SH3BP5: variants seen among roughly 807,000 people sequenced by gnomAD.
SH3BP5 encodes the protein SH3 domain binding protein 5, also known as SH3 domain-binding protein 5.
A neutral mutation model predicts 43.3 loss-of-function variants in SH3BP5; 22 were observed. The observed-to-expected ratio is 0.51, with a 90% CI of 0.36 to 0.73. The LOEUF is 0.73. SH3BP5 is among the 30% of genes least tolerant of loss of function. The probability of loss-of-function intolerance (pLI) is 0.00; values close to 1 mark genes in which losing one functional copy is unlikely to be tolerated. For synonymous variants in SH3BP5, 255 were observed against 225.8 expected, an observed-to-expected ratio of 1.13 and a Z score of -1.16; for missense variants, 529 against 586.9, an observed-to-expected ratio of 0.90 and a Z score of 1.02.
chr3:15,324,674 C>A (rs1261091816), intron 2 of SH3BP5, among the ~76,000 whole-genome samples: 2 of 152,132 alleles, frequency 1.3e-5, no homozygotes, highest in Non-Finnish European at 2.9e-5. Context: ...CTAGTGCATT[C>A]CACCCACACG....
upstream of SH3BP5, among the ~76,000 whole-genome samples, chr3:15,334,518 CG>C (rs1293542045): frequency 6.6e-6 from 1 of 151,048 alleles, no homozygotes; most frequent in Non-Finnish European, 1.5e-5. Context: ...CACTGGAGGC[CG>C]GGAGTTCCAG....
chr3:15,326,425 A>G (rs537091787), intron 2 of SH3BP5, among the ~76,000 whole-genome samples: 3 of 152,228 alleles, frequency 2.0e-5, no homozygotes, highest in Non-Finnish European at 4.4e-5. Context: ...CTGGTCACCA[A>G]TTCAGGTTCA....
intron 3 of SH3BP5, among the ~76,000 whole-genome samples, chr3:15,291,508 A>T (rs1186440024): frequency 6.6e-6 from 1 of 152,250 alleles, no homozygotes; most frequent in Non-Finnish European, 1.5e-5. Flanking sequence ...ACCTAAAAAA[A>T]AAAATCTGAA....
chr3:15,265,128 A>G (rs1447445049), intron 4 of SH3BP5, among the ~76,000 whole-genome samples: 1 of 152,106 alleles, frequency 6.6e-6, no homozygotes, highest in East Asian at 1.9e-4. Context: ...AAACTGAAGA[A>G]GTGGCCAGCA....
At chr3:15,333,696 C>T (rs1335282153), upstream of SH3BP5, among the ~76,000 whole-genome samples, 2 of 152,168 alleles carry the variant, frequency 1.3e-5, no homozygotes, top group Admixed American at 6.5e-5. Flanking sequence ...TAGAGGGTTA[C>T]TCCTTGGGCA....
rs1264581008 is a variant in SH3BP5, at chr3:15,256,899, T to C, written c.1104A>G (p.Arg368=). ...GGGAGGAGGCCCCGCTGCATTCACTTCGAGGGCCCAACACTGGGAACATCA... is the reference window on the plus strand; with the variant it reads ...GGGAGGAGGCCCCGCTGCATTCACTCCGAGGGCCCAACACTGGGAACATCA... ...FGMMFPVLGP[R]SECSGASSPE... Residue 368 remains arginine (R), a synonymous_variant, in exon 8 of 9, where the codon CGA becomes CGG. Coordinates refer to ENST00000383791, the MANE Select transcript of SH3BP5 (RefSeq NM_004844.5). The C allele has an allele frequency of 6.2e-7, 1 of 1,613,800 alleles. No homozygotes were observed. The highest frequency in any genetic ancestry group is 1.3e-5 in the African/African-American group (1 of 74,910).
chr3:15,330,221 A>T (rs1377412259), intron 2 of SH3BP5, among the ~76,000 whole-genome samples: 1 of 152,230 alleles, frequency 6.6e-6, no homozygotes, highest in Non-Finnish European at 1.5e-5. Context: ...CCTTTCAGTC[A>T]CATTAAAACT....
At chr3:15,329,334 G>A (rs1342709717) in intron 2 of SH3BP5, among the ~76,000 whole-genome samples, 1 of 152,128 alleles carries the variant, frequency 6.6e-6, no homozygotes, top group Non-Finnish European at 1.5e-5. Context: ...TTAGAAATCT[G>A]AGATCCTGAG....
At chr3:15,317,411 A>G (rs1698211625) in intron 2 of SH3BP5, among the ~76,000 whole-genome samples, 1 of 152,154 alleles carries the variant, frequency 6.6e-6, no homozygotes, top group Non-Finnish European at 1.5e-5. Context: ...AATGTTAAGA[A>G]AGGAGAGCAC....
At chr3:15,329,853 G>A (rs1037082948) in intron 2 of SH3BP5, among the ~76,000 whole-genome samples, 3 of 152,208 alleles carry the variant, frequency 2.0e-5, no homozygotes, top group African/African-American at 4.8e-5. Flanking sequence ...GGAACTAATC[G>A]GAGGCTGTGA....
At chr3:15,260,017 T>G in intron 5 of SH3BP5, 1 of 592,452 alleles carries the variant, frequency 1.7e-6, no homozygotes, top group Non-Finnish European at 3.0e-6. Context: ...CAGGGCTATA[T>G]TAACAGGAGG....
intron 3 of SH3BP5, among the ~76,000 whole-genome samples, chr3:15,291,514 C>A (rs893978246): frequency 6.6e-6 from 1 of 152,054 alleles, no homozygotes; most frequent in African/African-American, 2.4e-5. Flanking sequence ...AAAAAAAAAT[C>A]TGAAATTTAA....
chr3:15,295,022 GCA>G (rs776978211), intron 3 of SH3BP5, among the ~76,000 whole-genome samples: 1 of 152,008 alleles, frequency 6.6e-6, no homozygotes, highest in Admixed American at 6.6e-5. Context: ...TTCGGAGTGT[GCA>G]CAGTGTGTCC....
rs1696873814 is a variant in SH3BP5, at chr3:15,273,453, C to T, written c.331-3576G>A. On this transcript the variant is annotated intron_variant, in intron 3 of 8. Coordinates refer to ENST00000383791, the MANE Select transcript of SH3BP5 (RefSeq NM_004844.5). The stretch of plus-strand genomic sequence containing the variant: ...CATGTGAAGCTGCCTTTGAGAAGAA[C>T]ATGTGCTGTCAAATTCCGGACAAGC... 9.4e-6 allele frequency: 9 copies of T among 960,688 alleles called. No individual in the cohort carries two copies. In the South Asian group the frequency reaches 2.9e-4, roughly 31 times the overall value. 59.5% of individuals were successfully genotyped at this position (960,688 alleles called of 1,614,324 possible). A position where few individuals can be genotyped will look rare whatever the true frequency, so the allele number is the denominator to read the frequency against.
chr3:15,307,627 G>T (rs1264471242), intron 2 of SH3BP5, among the ~76,000 whole-genome samples: 1 of 152,176 alleles, frequency 6.6e-6, no homozygotes, highest in East Asian at 1.9e-4. Context: ...TTTTCCTCCT[G>T]GTATAAAAAG....
At chr3:15,269,943 C>T in intron 3 of SH3BP5, 66 bp from the exon 4 acceptor site, 1 of 1,377,456 alleles carries the variant, frequency 7.3e-7, no homozygotes, top group Non-Finnish European at 9.8e-7. Flanking sequence ...TCCATTTTAC[C>T]TTTCAAAAAA....
At chr3:15,282,902 T>C (rs1697167698) in intron 3 of SH3BP5, among the ~76,000 whole-genome samples, 1 of 152,180 alleles carries the variant, frequency 6.6e-6, no homozygotes, top group Non-Finnish European at 1.5e-5. Context: ...CTGATTATTC[T>C]ACTTTTGCAG....
chr3:15,288,171 C>T (rs896011705), intron 3 of SH3BP5, among the ~76,000 whole-genome samples: 1 of 152,140 alleles, frequency 6.6e-6, no homozygotes, highest in African/African-American at 2.4e-5. Context: ...TCTATTCAGA[C>T]CTTTAACTGA....
chr3:15,269,391 ATGGGAGCAAACCC>A (rs1696733586), intron 4 of SH3BP5, among the ~76,000 whole-genome samples: 1 of 152,176 alleles, frequency 6.6e-6, no homozygotes. Flanking sequence ...CTGGGGTTCC[ATGGGAGCAAACCC>A]TGGAAAACCT....
Sources: allele counts gnomAD v4.1 joint callset (sites outside exome capture counted in the v4.1 genomes callset), GRCh38; gene constraint gnomAD v4.1.1; transcripts MANE v1.5; gene names NCBI Gene and HGNC (gene_info 2026-07-23, HGNC 2026-07-21).